LRRC4C: variants seen among roughly 807,000 people sequenced by gnomAD.
LRRC4C encodes leucine rich repeat containing 4C, also known as leucine-rich repeat-containing protein 4C.
In LRRC4C, 5 loss-of-function variants were observed where a neutral mutation model predicts 33.6. The ratio of observed to expected loss-of-function variants is 0.15; its 90% CI spans 0.08 to 0.31. The LOEUF is 0.31. LRRC4C is among the 10% of genes least tolerant of loss of function. The pLI is 1.00. For missense variants in LRRC4C, 560 were observed against 796.7 expected, an observed-to-expected ratio of 0.70 and a Z score of 3.58; for synonymous variants, 329 against 302.0, an observed-to-expected ratio of 1.09 and a Z score of -0.93.
chr11:40,590,833 A>G (rs1379455833), intron 3 of LRRC4C, among the ~76,000 whole-genome samples: 9 of 152,270 alleles, frequency 5.9e-5, no homozygotes, highest in African/African-American at 1.4e-4. Flanking sequence ...CAGTCTGCCC[A>G]TTCTCAGATC....
chr11:41,025,194 C>T (rs1299636477), intron 1 of LRRC4C, among the ~76,000 whole-genome samples: 7 of 151,534 alleles, frequency 4.6e-5, no homozygotes, highest in Non-Finnish European at 8.9e-5. Flanking sequence ...AAGAGATGCA[C>T]GTCTCTCACT....
intron 3 of LRRC4C, among the ~76,000 whole-genome samples, chr11:40,366,898 G>A (rs1246940788): frequency 1.3e-5 from 2 of 152,012 alleles, no homozygotes; most frequent in African/African-American, 4.8e-5. Context: ...AAGACTAACT[G>A]GGTTTTAACA....
chr11:40,173,607 A>G (rs1482316088), intron 5 of LRRC4C, among the ~76,000 whole-genome samples: 2 of 152,154 alleles, frequency 1.3e-5, no homozygotes, highest in Non-Finnish European at 2.9e-5. Context: ...TCAATCTGAG[A>G]CTACCTATAA....
intron 2 of LRRC4C, among the ~76,000 whole-genome samples, chr11:40,858,715 A>G (rs1167560301): frequency 2.0e-5 from 3 of 150,740 alleles, no homozygotes; most frequent in African/African-American, 7.3e-5. Flanking sequence ...AAAAAAAAAA[A>G]AAAGATTGTG....
At chr11:41,273,194 G>A (rs913713888) in intron 1 of LRRC4C, among the ~76,000 whole-genome samples, 1 of 152,154 alleles carries the variant, frequency 6.6e-6, no homozygotes, top group East Asian at 1.9e-4. Flanking sequence ...ACTACTGATG[G>A]GAATGTAGAA....
intron 4 of LRRC4C, among the ~76,000 whole-genome samples, chr11:40,255,854 C>G (rs1440042335): frequency 6.6e-6 from 1 of 152,192 alleles, no homozygotes; most frequent in East Asian, 1.9e-4. Context: ...TGGGAGACAA[C>G]TAAGTCTTTA....
chr11:40,755,198 A>T lies in LRRC4C; in HGVS notation c.-406-106920T>A, dbSNP rs555125569. 5.9e-5 allele frequency among the ~76,000 whole-genome samples: 9 copies of T among 152,242 alleles called. No homozygotes were observed. In the East Asian group the frequency reaches 1.5e-3, roughly 26 times the overall value. On this transcript the variant is annotated intron_variant, in intron 2 of 6. Coordinates refer to ENST00000528697, the MANE Select transcript of LRRC4C (RefSeq NM_001258419.2). ...CTACTGCTCGAAGTACCACTACAAC[A>T]ACTACTACTACTGATACTACTTCTG...
intron 3 of LRRC4C, among the ~76,000 whole-genome samples, chr11:40,344,271 A>C (rs1280898152): frequency 6.6e-6 from 1 of 152,138 alleles, no homozygotes; most frequent in Non-Finnish European, 1.5e-5. Flanking sequence ...TAGAAAACCA[A>C]ACCCAGCAGC....
chr11:40,258,602 G>A (rs374435215), intron 4 of LRRC4C, among the ~76,000 whole-genome samples: 4 of 152,118 alleles, frequency 2.6e-5, no homozygotes, highest in South Asian at 4.1e-4. Context: ...TTGCCGAGCA[G>A]ATATGGAAAA....
At chr11:40,985,445 A>G (rs1852930387) in intron 1 of LRRC4C, among the ~76,000 whole-genome samples, 1 of 151,878 alleles carries the variant, frequency 6.6e-6, no homozygotes, top group East Asian at 1.9e-4. Flanking sequence ...GTTTGGTAAT[A>G]TTGGGGTTAA....
chr11:40,250,555 C>T (rs1473212748), intron 4 of LRRC4C, among the ~76,000 whole-genome samples: 1 of 151,890 alleles, frequency 6.6e-6, no homozygotes, highest in Non-Finnish European at 1.5e-5. Flanking sequence ...GCCTAACCAA[C>T]ATGGTGAAAA....
chr11:40,972,077 G>T (rs1437777065), intron 1 of LRRC4C, among the ~76,000 whole-genome samples: 1 of 151,626 alleles, frequency 6.6e-6, no homozygotes, highest in Admixed American at 6.6e-5. Flanking sequence ...TTTGGACTAT[G>T]GACTTTTGAG....
At chr11:41,133,919 T>G (rs891138312) in intron 1 of LRRC4C, among the ~76,000 whole-genome samples, 1 of 152,122 alleles carries the variant, frequency 6.6e-6, no homozygotes, top group Non-Finnish European at 1.5e-5. Flanking sequence ...GCTGAAACTA[T>G]GTATACCTTC....
intron 5 of LRRC4C, among the ~76,000 whole-genome samples, chr11:40,192,997 CA>C (rs1446977558): frequency 6.6e-6 from 1 of 152,158 alleles, no homozygotes; most frequent in Non-Finnish European, 1.5e-5. Flanking sequence ...GGACGGAGCA[CA>C]TGGGGGAAGG....
At chr11:41,277,150 G>A (rs1949510196) in intron 1 of LRRC4C, among the ~76,000 whole-genome samples, 1 of 152,072 alleles carries the variant, frequency 6.6e-6, no homozygotes, top group African/African-American at 2.4e-5. Flanking sequence ...TGTTGAATGG[G>A]TGGATGTTTA....
intron 4 of LRRC4C, among the ~76,000 whole-genome samples, chr11:40,257,419 C>A (rs1867295907): frequency 6.6e-6 from 1 of 151,996 alleles, no homozygotes; most frequent in African/African-American, 2.4e-5. Flanking sequence ...AGTATTGATG[C>A]CTAAAAAACA....
At chr11:41,169,987 G>A (rs1467980680) in intron 1 of LRRC4C, among the ~76,000 whole-genome samples, 1 of 152,014 alleles carries the variant, frequency 6.6e-6, no homozygotes, top group Non-Finnish European at 1.5e-5. Context: ...TGAAAAATAA[G>A]CCCATTTACC....
chr11:40,929,918 A>C (rs939930986), intron 2 of LRRC4C, among the ~76,000 whole-genome samples: 2 of 152,192 alleles, frequency 1.3e-5, no homozygotes, highest in African/African-American at 4.8e-5. Context: ...ATTCAGCTCT[A>C]CTAGCCATAA....
chr11:40,601,133 T>C (rs1959953758), intron 3 of LRRC4C, among the ~76,000 whole-genome samples: 1 of 152,246 alleles, frequency 6.6e-6, no homozygotes, highest in Admixed American at 6.5e-5. Context: ...ATCTAGACTT[T>C]ACTTAAAGTA....
Sources: allele counts gnomAD v4.1 joint callset (sites outside exome capture counted in the v4.1 genomes callset), GRCh38; gene constraint gnomAD v4.1.1; transcripts MANE v1.5; gene names NCBI Gene and HGNC (gene_info 2026-07-23, HGNC 2026-07-21).